The following ANK2 variants were observed in gnomAD, a reference collection of about 807,000 sequenced individuals.
The protein encoded by ANK2 is ankyrin-2.
ANK2 carries 83 observed loss-of-function variants against 360.5 expected under a neutral mutation model. The ratio of observed to expected loss-of-function variants is 0.23; its 90% CI spans 0.19 to 0.28. The LOEUF is 0.28. ANK2 is among the 10% of genes least tolerant of loss of function. ANK2 has a pLI of 1.00. For missense variants in ANK2, 4,201 were observed against 4,795.7 expected, an observed-to-expected ratio of 0.88 and a Z score of 3.66; for synonymous variants, 1,740 against 1,759.5, an observed-to-expected ratio of 0.99 and a Z score of 0.28.
At chr4:113,165,677 A>G (rs1255666824) in intron 1 of ANK2, among the ~76,000 whole-genome samples, 1 of 152,168 alleles carries the variant, frequency 6.6e-6, no homozygotes, top group Admixed American at 6.5e-5. Context: ...CTCTAGAAGT[A>G]TGATAGACTC....
At chr4:113,061,932 A>G (rs776237925) in intron 1 of ANK2, among the ~76,000 whole-genome samples, 1 of 152,146 alleles carries the variant, frequency 6.6e-6, no homozygotes, top group Non-Finnish European at 1.5e-5. Flanking sequence ...ATTATTATGC[A>G]TTGCATGCCT....
chr4:112,968,984 A>G (rs2038403864), intron 2 of ANK2, among the ~76,000 whole-genome samples: 1 of 152,164 alleles, frequency 6.6e-6, no homozygotes, highest in South Asian at 2.1e-4. Flanking sequence ...TACACATCAG[A>G]ATTATTCAGC....
the ANK2 span, among the ~76,000 whole-genome samples, chr4:112,800,648 C>T: frequency 6.6e-6 from 1 of 152,180 alleles, no homozygotes; most frequent in African/African-American, 2.4e-5. Context: ...AGAAAGTCAG[C>T]CTCACTGGCT....
intron 14 of ANK2, among the ~76,000 whole-genome samples, chr4:113,270,220 G>A (rs190915206): frequency 2.0e-5 from 3 of 152,032 alleles, no homozygotes; most frequent in African/African-American, 7.2e-5. Flanking sequence ...TCCCATTTCT[G>A]TCTTAAAGTA....
intron 2 of ANK2, among the ~76,000 whole-genome samples, chr4:112,985,101 A>G (rs975046684): frequency 3.3e-5 from 5 of 152,216 alleles, no homozygotes; most frequent in Admixed American, 6.5e-5. Flanking sequence ...TGGACTGTCC[A>G]CCTGTATCTG....
intron 2 of ANK2, among the ~76,000 whole-genome samples, chr4:112,954,432 A>G (rs1439990578): frequency 2.0e-5 from 3 of 152,176 alleles, no homozygotes; most frequent in Non-Finnish European, 4.4e-5. Context: ...TAAGTATTTA[A>G]TGAAAAGGAT....
intron 2 of ANK2, among the ~76,000 whole-genome samples, chr4:112,972,439 TG>T (rs1313154947): frequency 1.3e-5 from 2 of 152,166 alleles, no homozygotes; most frequent in African/African-American, 4.8e-5. Flanking sequence ...TAAAATTTTC[TG>T]TGCTTCTTAG....
chr4:112,754,059 C>T, the ANK2 span, among the ~76,000 whole-genome samples: 1 of 147,312 alleles, frequency 6.8e-6, no homozygotes, highest in African/African-American at 2.5e-5. Context: ...GATTACGCCA[C>T]TGCACTCCAG....
the ANK2 span, among the ~76,000 whole-genome samples, chr4:112,732,665 CTAGCCTCACAATTGAG>C: frequency 3.3e-5 from 5 of 152,334 alleles, no homozygotes; most frequent in East Asian, 9.6e-4. Context: ...AAAACAGAAT[CTAGCCTCACAATTGAG>C]TGTTGGGACG....
chr4:113,258,704 C>T (rs1044783575), intron 13 of ANK2, among the ~76,000 whole-genome samples: 2 of 152,302 alleles, frequency 1.3e-5, no homozygotes, highest in African/African-American at 2.4e-5. Flanking sequence ...AAACAAAATA[C>T]ATTTTAAAAG....
chr4:113,297,714 CTATTA>C (rs1213242955), intron 22 of ANK2, among the ~76,000 whole-genome samples: 4 of 151,888 alleles, frequency 2.6e-5, no homozygotes, highest in Admixed American at 6.6e-5. Flanking sequence ...ATATCAATAC[CTATTA>C]TATTATGTAT....
At chr4:113,243,717 G>C (rs1287281569) in intron 9 of ANK2, among the ~76,000 whole-genome samples, 1 of 152,100 alleles carries the variant, frequency 6.6e-6, no homozygotes, top group African/African-American at 2.4e-5. Flanking sequence ...CTATTTAAAG[G>C]AATGAGTTTT....
At chr4:113,103,850 AG>A (rs1378838471) in intron 1 of ANK2, among the ~76,000 whole-genome samples, 1 of 152,174 alleles carries the variant, frequency 6.6e-6, no homozygotes, top group African/African-American at 2.4e-5. Context: ...ATAAAACAAG[AG>A]TAAGATGTTT....
chr4:112,742,484 AGGTTGTCAG>A, the ANK2 span, among the ~76,000 whole-genome samples: 11 of 151,924 alleles, frequency 7.2e-5, no homozygotes, highest in African/African-American at 2.4e-4. Context: ...TGGCTAGGGT[AGGTTGTCAG>A]AAGGGCCTTG....
intron 1 of ANK2, chr4:113,145,957 A>G: frequency 3.9e-6 from 5 of 1,289,828 alleles, no homozygotes; most frequent in Non-Finnish European, 5.1e-6. Context: ...AAAACCCCAG[A>G]CTACTATGGC....
At chr4:112,726,955 G>C in the ANK2 span, among the ~76,000 whole-genome samples, 1 of 151,690 alleles carries the variant, frequency 6.6e-6, no homozygotes, top group Non-Finnish European at 1.5e-5. Flanking sequence ...TAATTTATTG[G>C]AAAATACGTA....
chr4:112,890,067 T>C (rs2150627425), intron 1 of ANK2, among the ~76,000 whole-genome samples: 1 of 152,292 alleles, frequency 6.6e-6, no homozygotes, highest in South Asian at 2.1e-4. Flanking sequence ...AAGTAAACAA[T>C]TAAACAGGCT....
chr4:113,353,491 A>G lies in ANK2; in HGVS notation c.4873A>G (p.Ile1625Val). ...TGTAGAAGTTAGAATAGATAAAGAG[A>G]TCAAAGGAAAAGTAGAGAAAGACTC... The part of the protein sequence containing the change: ...PCVEVRIDKE[I>V]KGKVEKDSTG... Residue 1625 changes from isoleucine (I) to valine (V), a missense_variant, in exon 38 of 46, where the codon ATC becomes GTC. Coordinates refer to ENST00000357077, the MANE Select transcript of ANK2 (RefSeq NM_001148.6). 1 of 1,614,058 alleles carries G rather than the reference A, an allele frequency of 6.2e-7. No individual in the cohort carries two copies. Among genetic ancestry groups the G allele is most frequent in the Non-Finnish European group, 8.5e-7 (1 of 1,179,962 alleles).
At chr4:113,376,514 G>A (rs2096939567) in intron 45 of ANK2, among the ~76,000 whole-genome samples, 1 of 152,138 alleles carries the variant, frequency 6.6e-6, no homozygotes, top group Admixed American at 6.5e-5. Flanking sequence ...CACTACAGTA[G>A]ACTTTATAAA....
Sources: allele counts gnomAD v4.1 joint callset (sites outside exome capture counted in the v4.1 genomes callset), GRCh38; gene constraint gnomAD v4.1.1; transcripts MANE v1.5; gene names NCBI Gene and HGNC (gene_info 2026-07-23, HGNC 2026-07-21).